Variants in ZNF846 observed in about 807,000 individuals in gnomAD.
ZNF846 encodes zinc finger protein 420 pseudogene.
Under a neutral mutation model 16.0 loss-of-function variants are expected in ZNF846, and 15 were observed. The observed-to-expected ratio is 0.94, with a 90% CI of 0.63 to 1.45. The LOEUF (loss-of-function observed/expected upper bound fraction) is 1.45, where lower values mean the gene tolerates loss of function less well. Among genes scored for constraint, ZNF846 ranks in the 40% most tolerant of loss-of-function variants. The pLI is 0.00. For synonymous variants in ZNF846, 229 were observed against 212.0 expected (o/e 1.08, Z -0.70); for missense variants, 714 against 622.3 (o/e 1.15, Z -1.57).
intron 5 of ZNF846, 22 bp downstream of exon 5, chr19:9,759,837 AT>A: frequency 6.3e-7 from 1 of 1,583,510 alleles, no homozygotes. Flanking sequence ...AGTGTGGAAG[AT>A]TTCATCCCTT....
downstream of ZNF846, among the ~76,000 whole-genome samples, chr19:9,749,639 A>G (rs114614634): frequency 0.038 from 5,555 of 147,644 alleles, 355 homozygotes; most frequent in African/African-American, 0.13. Flanking sequence ...TACCTCCAGC[A>G]TAGTATCAAC....
At chr19:9,772,730 C>A (rs1421973591), upstream of ZNF846, among the ~76,000 whole-genome samples, 1 of 152,022 alleles carries the variant, frequency 6.6e-6, no homozygotes, top group Admixed American at 6.6e-5. Flanking sequence ...ATAACTATCC[C>A]CACATGAAAT....
chr19:9,756,978 G>A (rs1289402979), downstream of ZNF846: 1 of 151,860 alleles, frequency 6.6e-6, no homozygotes, highest in Non-Finnish European at 1.5e-5. Flanking sequence ...GGCAGATCAT[G>A]AGATCGGGAG....
chr19:9,783,218 C>CTTTTTTTTTTTTTTT (rs74183307), intron 1 of ZNF846, among the ~76,000 whole-genome samples: 1 of 65,366 alleles, frequency 1.5e-5, no homozygotes, highest in Admixed American at 2.2e-4. Flanking sequence ...CCCTATAATT[C>CTTTTTTTTTTTTTTT]TTTTTTTTTT....
chr19:9,768,838 G>A (rs946165363), upstream of ZNF846: 1 of 152,248 alleles, frequency 6.6e-6, no homozygotes, highest in African/African-American at 2.4e-5. Context: ...GTGAAGCTGA[G>A]AGAAGAGCTG....
intron 1 of ZNF846, among the ~76,000 whole-genome samples, chr19:9,778,047 G>A (rs1308224813): frequency 2.6e-5 from 4 of 152,048 alleles, no homozygotes; most frequent in Admixed American, 6.6e-5. Flanking sequence ...ACACAAACAG[G>A]AAAGTATGGC....
At chr19:9,766,366 A>G (rs1441445437) in intron 1 of ZNF846, among the ~76,000 whole-genome samples, 1 of 145,218 alleles carries the variant, frequency 6.9e-6, no homozygotes, top group Non-Finnish European at 1.5e-5. Flanking sequence ...GTGAGCCAAG[A>G]TTGCGCCACT....
At chr19:9,767,026 T>C (rs975677795) in intron 1 of ZNF846, among the ~76,000 whole-genome samples, 2 of 151,864 alleles carry the variant, frequency 1.3e-5, no homozygotes, top group African/African-American at 4.8e-5. Flanking sequence ...GGGGTCTCAC[T>C]ATGTTGTCCC....
At chr19:9,756,349 A>ATATATGTGTGTGTGTGTGTGTG, downstream of ZNF846, 1 of 31,222 alleles carries the variant, frequency 3.2e-5, no homozygotes, top group South Asian at 1.3e-3. Context: ...GTGTGTGTAT[A>ATATATGTGTGTGTGTGTGTGTG]TATATATATA....
exon 6 of ZNF846, chr19:9,757,893 T>G (rs1309355709): frequency 6.2e-7 from 1 of 1,613,246 alleles, no homozygotes; most frequent in Non-Finnish European, 8.5e-7. Flanking sequence ...TTCTTTACAT[T>G]CATAGGGCTT....
At position 9,775,191 on chromosome 19, in the gene ZNF846, A is replaced by ATGTG. The variant is rs1418132635; in HGVS notation, c.-85-10157_-85-10156insCACA. 6.6e-5 allele frequency among the ~76,000 whole-genome samples: 9 copies of ATGTG among 135,708 alleles called. 1 individual carries two copies. The highest frequency in any genetic ancestry group is 4.6e-4 in the South Asian group (2 of 4,342). 89.0% of individuals were successfully genotyped at this position (135,708 alleles called of 152,430 possible). Reference sequence around the variant, plus strand: ...TATATATACATATATATGTGTATATATATGTGTGTGTGTGTGTGTGTGTAT... The same window carrying ATGTG: ...TATATATACATATATATGTGTATATATGTGTATGTGTGTGTGTGTGTGTGTGTAT... On this transcript the variant is annotated intron_variant, in intron 1 of 4. Transcript: ENST00000586814.
exon 6 of ZNF846, chr19:9,757,843 G>T: frequency 1.2e-6 from 2 of 1,613,208 alleles, no homozygotes; most frequent in Non-Finnish European, 1.7e-6. Context: ...ATCCTTACAT[G>T]TTGACTAAGC....
chr19:9,763,161 G>T, intron 3 of ZNF846, 121 bp downstream of exon 3: 1 of 829,502 alleles, frequency 1.2e-6, no homozygotes, highest in Non-Finnish European at 1.7e-6. Flanking sequence ...AAAAAAAAAG[G>T]AATGTCCACT....
At chr19:9,769,307 C>T (rs74178175), upstream of ZNF846, among the ~76,000 whole-genome samples, 25,103 of 152,128 alleles carry the variant, frequency 0.17, 2,855 homozygotes, top group Non-Finnish European at 0.25. Flanking sequence ...GTCTCGAACT[C>T]CTGAGCCTAA....
chr19:9,752,663 C>CTTTTTTTT (rs528278558), downstream of ZNF846, among the ~76,000 whole-genome samples: 1 of 140,528 alleles, frequency 7.1e-6, no homozygotes, highest in African/African-American at 2.6e-5. Flanking sequence ...AGTGATTTCC[C>CTTTTTTTT]TTTTTTTTTT....
chr19:9,754,814 G>A (rs548328860), downstream of ZNF846, among the ~76,000 whole-genome samples: 39 of 149,056 alleles, frequency 2.6e-4, 3 homozygotes, highest in Middle Eastern at 3.4e-3. Flanking sequence ...TCTTTTTTTC[G>A]TCTCATTTTG....
intron 1 of ZNF846, among the ~76,000 whole-genome samples, chr19:9,765,439 G>T (rs567424732): frequency 6.6e-6 from 1 of 152,190 alleles, no homozygotes; most frequent in East Asian, 1.9e-4. Context: ...TTGGGAGGCC[G>T]AGGCGGGTGG....
At chr19:9,753,743 T>A (rs2045106860), downstream of ZNF846, among the ~76,000 whole-genome samples, 1 of 151,834 alleles carries the variant, frequency 6.6e-6, no homozygotes, top group African/African-American at 2.4e-5. Flanking sequence ...TTTTCATTTC[T>A]TGTTTCATTC....
intron 4 of ZNF846, among the ~76,000 whole-genome samples, chr19:9,761,194 C>G (rs1307390577): frequency 1.4e-5 from 2 of 144,620 alleles, no homozygotes; most frequent in African/African-American, 5.4e-5. Flanking sequence ...CAGAGAGAGA[C>G]TCTGTCTCAA....
Sources: gnomAD v4.1 joint callset for allele counts (sites outside exome capture counted in the v4.1 genomes callset) on GRCh38, gnomAD v4.1.1 for gene constraint, MANE v1.5 for transcripts, NCBI Gene and HGNC (gene_info 2026-07-23, HGNC 2026-07-21) for gene names.